ZBTB7C: variants seen among roughly 807,000 people sequenced by gnomAD.
ZBTB7C encodes the protein zinc finger and BTB domain-containing protein 7C.
In ZBTB7C, 8 loss-of-function variants were observed where a neutral mutation model predicts 25.7. The ratio of observed to expected loss-of-function variants is 0.31; its 90% CI spans 0.18 to 0.56. ZBTB7C has a LOEUF of 0.56. Among genes scored for constraint, ZBTB7C ranks in the 20% least tolerant of loss-of-function variants. The pLI, the probability that ZBTB7C is intolerant of heterozygous loss-of-function variation, is 0.91. For missense variants in ZBTB7C, 824 were observed against 855.2 expected (o/e 0.96, Z 0.46); for synonymous variants, 394 against 369.0 (o/e 1.07, Z -0.78).
intron 2 of ZBTB7C, among the ~76,000 whole-genome samples, chr18:48,303,947 C>A (rs554452126): frequency 6.6e-6 from 1 of 152,208 alleles, no homozygotes; most frequent in Non-Finnish European, 1.5e-5. Context: ...CTGTTCTAAG[C>A]CCTTAACAAG....
rs1025310816 is a variant in ZBTB7C at position 48,029,004 on chromosome 18, T to C, written c.*256A>G. 18 of 500,676 alleles carry C rather than the reference T, an allele frequency of 3.6e-5. No individual in the cohort carries two copies. Among genetic ancestry groups the C allele is most frequent in the Non-Finnish European group, 3.4e-6 (1 of 294,152 alleles). The allele number at this position is 500,676 out of a possible 1,614,324, so 31.0% of individuals were successfully genotyped here. On this transcript the variant is annotated 3_prime_UTR_variant, in exon 5 of 5. Transcript: ENST00000590800. ...TGTGGCATGGGCCGGTGCAAGTTTC[T>C]ATATGAGAGCCAGAGAGACAGGGAG...
intron 3 of ZBTB7C, among the ~76,000 whole-genome samples, chr18:48,071,574 C>A (rs891662745): frequency 6.6e-6 from 1 of 152,190 alleles, no homozygotes; most frequent in Non-Finnish European, 1.5e-5. Flanking sequence ...CTGTGGCAAA[C>A]GCTAGGGAGG....
At chr18:48,085,112 G>A (rs1392368834) in intron 3 of ZBTB7C, among the ~76,000 whole-genome samples, 3 of 152,110 alleles carry the variant, frequency 2.0e-5, no homozygotes, top group Non-Finnish European at 4.4e-5. Context: ...GAACTCAAGG[G>A]CCTACCTTGA....
intron 2 of ZBTB7C, among the ~76,000 whole-genome samples, chr18:48,290,704 T>A (rs28634965): frequency 6.6e-6 from 1 of 152,124 alleles, no homozygotes; most frequent in African/African-American, 2.4e-5. Context: ...ATCCTCTTCC[T>A]GGCAAGGCCT....
At chr18:48,209,234 G>A (rs1434653706) in intron 2 of ZBTB7C, among the ~76,000 whole-genome samples, 1 of 152,198 alleles carries the variant, frequency 6.6e-6, no homozygotes, top group Non-Finnish European at 1.5e-5. Flanking sequence ...ACGGAAATGT[G>A]CAGGTCAAAG....
intron 2 of ZBTB7C, among the ~76,000 whole-genome samples, chr18:48,302,616 C>T (rs1207220953): frequency 6.6e-6 from 1 of 152,180 alleles, no homozygotes; most frequent in Admixed American, 6.5e-5. Context: ...CAGGCCGGAT[C>T]GACGTCCACG....
chr18:48,138,043 T>A (rs1305369206), intron 3 of ZBTB7C, among the ~76,000 whole-genome samples: 1 of 152,258 alleles, frequency 6.6e-6, no homozygotes, highest in African/African-American at 2.4e-5. Flanking sequence ...CTGACTGTTC[T>A]CAGAAATGGG....
At chr18:48,052,260 A>G (rs1209799413) in intron 3 of ZBTB7C, among the ~76,000 whole-genome samples, 1 of 152,160 alleles carries the variant, frequency 6.6e-6, no homozygotes, top group African/African-American at 2.4e-5. Context: ...CCATGAGAGC[A>G]CTATTCTTTG....
rs142438907 is a variant in ZBTB7C, at chr18:48,391,484, T to C, written c.-304+17742A>G. 2.9e-3 allele frequency among the ~76,000 whole-genome samples: 441 copies of C among 152,174 alleles called. 3 individuals are homozygous for C. The highest frequency in any genetic ancestry group is 0.01 in the African/African-American group (423 of 41,398). ...AGTGGAGTTCATTGAATGTTTGATA[T>C]GCAAGTCAGTCAACTATATTTTCTA... On this transcript the variant is annotated intron_variant, in intron 1 of 4. Coordinates refer to ENST00000590800, the MANE Select transcript of ZBTB7C (RefSeq NM_001318841.2).
intron 2 of ZBTB7C, among the ~76,000 whole-genome samples, chr18:48,315,904 C>A (rs1337911034): frequency 1.3e-5 from 2 of 152,134 alleles, no homozygotes; most frequent in Non-Finnish European, 2.9e-5. Flanking sequence ...TGGAGGATAG[C>A]CCTTCAGGTC....
intron 2 of ZBTB7C, among the ~76,000 whole-genome samples, chr18:48,208,822 GAT>G (rs1202445356): frequency 6.6e-6 from 1 of 152,108 alleles, no homozygotes; most frequent in Non-Finnish European, 1.5e-5. Flanking sequence ...GTGATTTATT[GAT>G]ATTTGTTTGC....
chr18:48,089,294 C>A (rs1242284592), intron 3 of ZBTB7C, among the ~76,000 whole-genome samples: 1 of 151,766 alleles, frequency 6.6e-6, no homozygotes, highest in Non-Finnish European at 1.5e-5. Context: ...CATGGTGAAA[C>A]CTCGTCTCTG....
rs1406652290 is a variant in ZBTB7C, at chr18:48,355,413, T to C, written c.-303-17015A>G. ...GCGGAGCCAAACTGCTGTTGATTTGTTCCCAGTTCGCCACGGAATAAAGTC... is the reference window on the plus strand; with the variant it reads ...GCGGAGCCAAACTGCTGTTGATTTGCTCCCAGTTCGCCACGGAATAAAGTC... On this transcript the variant is annotated intron_variant, in intron 1 of 4. Coordinates refer to ENST00000590800, the MANE Select transcript of ZBTB7C (RefSeq NM_001318841.2). Among the ~76,000 whole-genome samples the C allele has an allele frequency of 2.0e-5, 3 of 152,320 alleles. No individual in the cohort carries two copies. In the East Asian group the frequency reaches 5.8e-4, roughly 29 times the overall value.
chr18:48,275,473 C>G (rs116776125), intron 2 of ZBTB7C, among the ~76,000 whole-genome samples: 1 of 152,134 alleles, frequency 6.6e-6, no homozygotes, highest in Non-Finnish European at 1.5e-5. Context: ...CAGTACAGTG[C>G]CCGGCCCAGA....
chr18:48,221,755 T>C (rs190853735), intron 2 of ZBTB7C, among the ~76,000 whole-genome samples: 5 of 151,608 alleles, frequency 3.3e-5, no homozygotes, highest in Non-Finnish European at 7.4e-5. Context: ...TATACTGTCC[T>C]TGTCTCCTCT....
At chr18:48,409,963 C>A (rs1306881301), upstream of ZBTB7C, among the ~76,000 whole-genome samples, 1 of 151,946 alleles carries the variant, frequency 6.6e-6, no homozygotes, top group Non-Finnish European at 1.5e-5. Context: ...TTTTTAGGTC[C>A]ACACCCGACC....
chr18:48,042,851 G>A lies in ZBTB7C; in HGVS notation c.-16-1728C>T, dbSNP rs182227069. Among the ~76,000 whole-genome samples the A allele has an allele frequency of 1.9e-3, 282 of 152,332 alleles. 1 individual carries two copies. The highest frequency in any genetic ancestry group is 5.2e-3 in the Admixed American group (79 of 15,302). ...AGGCTCTGTACTGTACTCTGGGGAT[G>A]CACAGAGAACAAATCAAGAAGGCCT... On this transcript the variant is annotated intron_variant, in intron 3 of 4. Transcript: ENST00000590800.
At chr18:48,041,439 C>T (rs1263698294) in intron 3 of ZBTB7C, 2 of 985,314 alleles carry the variant, frequency 2.0e-6, no homozygotes, top group African/African-American at 1.7e-5. Context: ...CATGCAGTTG[C>T]AGAATACAAC....
intron 2 of ZBTB7C, among the ~76,000 whole-genome samples, chr18:48,315,061 A>G (rs2045917502): frequency 6.6e-6 from 1 of 152,142 alleles, no homozygotes; most frequent in African/African-American, 2.4e-5. Context: ...GCCTACCCCA[A>G]TCTGCCTGGG....
Sources: gnomAD v4.1 joint callset for allele counts (sites outside exome capture counted in the v4.1 genomes callset) on GRCh38, gnomAD v4.1.1 for gene constraint, MANE v1.5 for transcripts, NCBI Gene and HGNC (gene_info 2026-07-23, HGNC 2026-07-21) for gene names.